CSMD1: variants seen among roughly 807,000 people sequenced by gnomAD.
CSMD1 encodes the protein CUB and Sushi multiple domains 1.
Under a neutral mutation model 417.5 loss-of-function variants are expected in CSMD1, and 213 were observed. That is an observed-to-expected ratio of 0.51 (90% CI 0.46 to 0.57). The LOEUF is 0.57. Among genes scored for constraint, CSMD1 ranks in the 20% least tolerant of loss-of-function variants. CSMD1 has a pLI of 0.00. For missense variants in CSMD1, 6,923 were observed against 4,529.7 expected, an observed-to-expected ratio of 1.53 and a Z score of -15.17; for synonymous variants, 2,862 against 1,736.8, an observed-to-expected ratio of 1.65 and a Z score of -16.11.
chr8:3,511,276 T>C (rs1476237043), intron 10 of CSMD1, among the ~76,000 whole-genome samples: 1 of 151,666 alleles, frequency 6.6e-6, no homozygotes, highest in Non-Finnish European at 1.5e-5. Context: ...AAATACCTAA[T>C]GTAGATGACA....
At chr8:4,190,640 G>C (rs1006228549) in intron 3 of CSMD1, among the ~76,000 whole-genome samples, 1 of 151,528 alleles carries the variant, frequency 6.6e-6, no homozygotes, top group Non-Finnish European at 1.5e-5. Flanking sequence ...TAATATTAGT[G>C]TTGTAATGAG....
chr8:2,965,725 A>G lies in CSMD1; in HGVS notation c.9280+50T>C, dbSNP rs368958113. On this transcript the variant is annotated intron_variant, in intron 59 of 69. Coordinates refer to ENST00000635120, the MANE Select transcript of CSMD1 (RefSeq NM_033225.6). ...GCAAAATTAAACAAAGCATAATTCAATAAAGACTTCTATACACATCTGTAA... is the reference window on the plus strand; with the variant it reads ...GCAAAATTAAACAAAGCATAATTCAGTAAAGACTTCTATACACATCTGTAA... 945 of 1,501,090 alleles carry G rather than the reference A, an allele frequency of 6.3e-4. 3 individuals are homozygous for G. Among genetic ancestry groups the G allele is most frequent in the South Asian group, 3.2e-3 (262 of 82,090 alleles). 93.0% of individuals were successfully genotyped at this position (1,501,090 alleles called of 1,614,324 possible).
At chr8:4,423,275 T>C (rs1325316511) in intron 2 of CSMD1, among the ~76,000 whole-genome samples, 1 of 152,098 alleles carries the variant, frequency 6.6e-6, no homozygotes, top group Non-Finnish European at 1.5e-5. Context: ...AAATTACTAC[T>C]ATTTGAAGTT....
chr8:4,093,039 T>A (rs564767890), intron 3 of CSMD1, among the ~76,000 whole-genome samples: 1 of 152,170 alleles, frequency 6.6e-6, no homozygotes, highest in African/African-American at 2.4e-5. Context: ...TTGTGACTTG[T>A]TGGTTATTGC....
chr8:4,398,430 T>C (rs1262538384), intron 3 of CSMD1, among the ~76,000 whole-genome samples: 1 of 143,120 alleles, frequency 7.0e-6, no homozygotes, highest in Non-Finnish European at 1.5e-5. Context: ...TCTCACTCTG[T>C]CACCCCAGGC....
chr8:2,964,475 A>G (rs939548632), intron 59 of CSMD1, among the ~76,000 whole-genome samples: 1 of 152,192 alleles, frequency 6.6e-6, no homozygotes, highest in African/African-American at 2.4e-5. Context: ...GAATGGGAGG[A>G]GACAAGTTCA....
intron 15 of CSMD1, among the ~76,000 whole-genome samples, chr8:3,403,786 T>G (rs1220214486): frequency 6.6e-6 from 1 of 152,210 alleles, no homozygotes; most frequent in Non-Finnish European, 1.5e-5. Flanking sequence ...ATCATTAGTA[T>G]CATATCTTTG....
intron 2 of CSMD1, among the ~76,000 whole-genome samples, chr8:4,500,865 C>T (rs970194038): frequency 1.3e-5 from 2 of 152,040 alleles, no homozygotes; most frequent in African/African-American, 2.4e-5. Context: ...CTGTCTCTGG[C>T]GTAACCTTAT....
chr8:4,515,676 G>C (rs928934466), intron 2 of CSMD1, among the ~76,000 whole-genome samples: 2 of 152,094 alleles, frequency 1.3e-5, no homozygotes, highest in Non-Finnish European at 2.9e-5. Context: ...TTTGCCTGTG[G>C]TAAGCAAGAT....
intron 11 of CSMD1, among the ~76,000 whole-genome samples, chr8:3,477,535 C>G (rs1231461190): frequency 2.6e-5 from 4 of 152,164 alleles, no homozygotes; most frequent in Non-Finnish European, 4.4e-5. Context: ...TTTCAGGCAC[C>G]TGGGTACCTG....
intron 5 of CSMD1, among the ~76,000 whole-genome samples, chr8:3,994,203 C>G (rs1460700141): frequency 6.6e-6 from 1 of 152,004 alleles, no homozygotes; most frequent in Admixed American, 6.6e-5. Flanking sequence ...CCTTCTCTAT[C>G]CTCTACACAT....
rs759926124 is a variant in CSMD1 at position 3,097,008 on chromosome 8, C to T, written c.6979G>A (p.Gly2327Arg). 6.4e-7 allele frequency: 1 copy of T among 1,552,546 alleles called. No individual in the cohort carries two copies. Among genetic ancestry groups the T allele is most frequent in the Non-Finnish European group, 8.7e-7 (1 of 1,147,814 alleles). ...AQCPANEVRT[G>R]SSGVILSPGY... ...GGACTGAGAATGACTCCCGATGATC[C>T]AGTCCGGACTTCATTTGCTGGGCAT... The change falls in exon 47 of 70, where the codon GGA (glycine) becomes AGA (arginine). Residue 2327 changes from glycine (G) to arginine (R), a missense_variant. Transcript: ENST00000635120.
At position 3,396,229 on chromosome 8, in the gene CSMD1, C is replaced by T; in HGVS notation, c.2558G>A (p.Ser853Asn). ...GATGAGGAAGCCGATGCTGGAGCGG[C>T]TGTTGTCAGTGGTGAACAGCAGGTA... ...FMYLLFTTDN[S>N]RSSIGFLIHY... is the part of the protein sequence containing the mutation. The change falls in exon 17 of 70, where the codon AGC becomes AAC. Residue 853 changes from serine to asparagine, a missense_variant. Physicochemically the swap from Ser to Asn is conservative, Grantham distance 46 (BLOSUM62 1). Coordinates refer to ENST00000635120, the MANE Select transcript of CSMD1 (RefSeq NM_033225.6). The T allele has an allele frequency of 6.4e-7, 1 of 1,571,402 alleles. No individual in the cohort carries two copies. Among genetic ancestry groups the T allele is most frequent in the Non-Finnish European group, 8.6e-7 (1 of 1,158,216 alleles).
In CSMD1 at chr8:4,842,263, T is replaced by A. The variant is rs568598669; in HGVS notation, c.85+152069A>T. On this transcript the variant is annotated intron_variant, in intron 1 of 69. Coordinates refer to ENST00000635120, the MANE Select transcript of CSMD1 (RefSeq NM_033225.6). ...AAGTCAAAGCTTATTTTCATATAAA[T>A]ATGAATCTTCCAGATGCATTGAATT... Among the ~76,000 whole-genome samples, 10 of 152,242 alleles carry A rather than the reference T, an allele frequency of 6.6e-5. No individual in the cohort carries two copies. In the East Asian group the frequency reaches 1.9e-3, roughly 29 times the overall value.
intron 1 of CSMD1, among the ~76,000 whole-genome samples, chr8:4,920,898 A>G (rs1384384549): frequency 1.5e-5 from 1 of 68,876 alleles, no homozygotes; most frequent in Non-Finnish European, 3.6e-5. Context: ...AAAGAAAAGA[A>G]AAGAAAAGAA....
chr8:4,174,642 T>C (rs1297333475), intron 3 of CSMD1, among the ~76,000 whole-genome samples: 1 of 143,222 alleles, frequency 7.0e-6, no homozygotes, highest in Non-Finnish European at 1.5e-5. Flanking sequence ...GACCTGGGAA[T>C]GTAGGAATTA....
rs541055496 is a variant in CSMD1, at chr8:3,268,570, G to A, written c.4153+15574C>T. 6.7e-4 allele frequency among the ~76,000 whole-genome samples: 102 copies of A among 152,140 alleles called. 1 individual carries two copies. Among genetic ancestry groups the A allele is most frequent in the South Asian group, 5.2e-3 (25 of 4,810 alleles). On this transcript the variant is annotated intron_variant, in intron 26 of 69. Transcript: ENST00000635120. ...TAAAGTGCTGGGATTACAGGCGTGA[G>A]CCACCGTGCCAGGCCCAGATGGTTC...
At chr8:3,939,856 T>C (rs945941439) in intron 5 of CSMD1, among the ~76,000 whole-genome samples, 8 of 151,988 alleles carry the variant, frequency 5.3e-5, no homozygotes, top group Admixed American at 2.6e-4. Flanking sequence ...ACATTGGGTA[T>C]TGGGAGAAGG....
intron 5 of CSMD1, among the ~76,000 whole-genome samples, chr8:3,961,528 G>C (rs570678962): frequency 6.6e-6 from 1 of 151,570 alleles, no homozygotes; most frequent in African/African-American, 2.4e-5. Flanking sequence ...GCTTTGTGAA[G>C]ACAATAGGAA....
Sources: gnomAD v4.1 joint callset for allele counts (sites outside exome capture counted in the v4.1 genomes callset) on GRCh38, gnomAD v4.1.1 for gene constraint, MANE v1.5 for transcripts, NCBI Gene and HGNC (gene_info 2026-07-23, HGNC 2026-07-21) for gene names.